MBD5: variants seen among roughly 807,000 people sequenced by gnomAD.
MBD5 encodes methyl-CpG-binding domain protein 5.
A neutral mutation model predicts 117.3 loss-of-function variants in MBD5; 13 were observed. The ratio of observed to expected loss-of-function variants is 0.11; its 90% CI spans 0.07 to 0.18. MBD5 has a LOEUF of 0.18. Among genes scored for constraint, MBD5 ranks in the 10% least tolerant of loss-of-function variants. The pLI, the probability that MBD5 is intolerant of heterozygous loss-of-function variation, is 1.00. For synonymous variants in MBD5, 727 were observed against 766.4 expected, an observed-to-expected ratio of 0.95 and a Z score of 0.85; for missense variants, 1,879 against 2,093.8, an observed-to-expected ratio of 0.90 and a Z score of 2.00.
chr2:148,509,729 A>G (rs1203457486), intron 12 of MBD5, among the ~76,000 whole-genome samples: 1 of 152,230 alleles, frequency 6.6e-6, no homozygotes, highest in Admixed American at 6.5e-5. Context: ...GGCTGGAGCC[A>G]GGGAGCATGA....
At chr2:148,414,345 G>A (rs1382506706) in intron 4 of MBD5, among the ~76,000 whole-genome samples, 2 of 152,042 alleles carry the variant, frequency 1.3e-5, no homozygotes, top group South Asian at 2.1e-4. Flanking sequence ...TATGATTTCA[G>A]TTTTTTTGAA....
chr2:148,489,621 G>A lies in MBD5; in HGVS notation c.3989G>A (p.Ser1330Asn), dbSNP rs756983734. 1.9e-6 allele frequency: 3 copies of A among 1,614,164 alleles called. No homozygotes were observed. In the African/African-American group the frequency reaches 4.0e-5, roughly 22 times the overall value. ...TACAAAGCAGTTGTCGATGCAGCCA[G>A]CAAAGGAATGCAGGTTGTCATCACC... is the stretch of plus-strand genomic sequence containing the variant. ...AIYKAVVDAA[S>N]KGMQVVITTA... Residue 1330 changes from serine (S) to asparagine (N), a missense_variant, in exon 11 of 14, where the codon AGC (serine) becomes AAC (asparagine). Physicochemically the swap from Ser to Asn is conservative, Grantham distance 46. Coordinates refer to ENST00000642680, the MANE Select transcript of MBD5 (RefSeq NM_001378120.1).
chr2:148,319,994 T>A (rs1381861137), intron 3 of MBD5, among the ~76,000 whole-genome samples: 1 of 152,226 alleles, frequency 6.6e-6, no homozygotes. Context: ...ATGCCTTTTC[T>A]GCATCTATTA....
intron 1 of MBD5, among the ~76,000 whole-genome samples, chr2:148,061,079 A>G (rs1046732733): frequency 5.3e-5 from 8 of 152,130 alleles, no homozygotes; most frequent in African/African-American, 1.9e-4. Flanking sequence ...TTGCCAAGGT[A>G]TTTAAAAATC....
At chr2:148,410,746 G>A (rs958994516) in intron 4 of MBD5, among the ~76,000 whole-genome samples, 1 of 152,104 alleles carries the variant, frequency 6.6e-6, no homozygotes, top group African/African-American at 2.4e-5. Flanking sequence ...CACTGCACCT[G>A]GCCAGGATAT....
intron 1 of MBD5, among the ~76,000 whole-genome samples, chr2:148,171,878 T>C (rs1698272194): frequency 6.6e-6 from 1 of 152,138 alleles, no homozygotes; most frequent in African/African-American, 2.4e-5. Flanking sequence ...CAAACAAATT[T>C]AAGAATAAAT....
intron 4 of MBD5, among the ~76,000 whole-genome samples, chr2:148,402,722 T>C (rs1034866095): frequency 3.9e-5 from 6 of 152,248 alleles, no homozygotes; most frequent in Admixed American, 2.0e-4. Context: ...TTCTGAGTTA[T>C]GTTCCACTAT....
At chr2:148,188,905 G>C (rs936277956) in intron 2 of MBD5, among the ~76,000 whole-genome samples, 5 of 151,742 alleles carry the variant, frequency 3.3e-5, no homozygotes, top group South Asian at 2.1e-4. Context: ...TGTGCGCACC[G>C]TGCGCGAGCC....
chr2:148,087,110 G>C (rs1309482959), intron 1 of MBD5, among the ~76,000 whole-genome samples: 1 of 152,170 alleles, frequency 6.6e-6, no homozygotes, highest in Admixed American at 6.5e-5. Context: ...TCACACCATG[G>C]ACTTTTGCTC....
intron 3 of MBD5, among the ~76,000 whole-genome samples, chr2:148,339,793 A>G (rs974693888): frequency 7.9e-5 from 12 of 152,198 alleles, no homozygotes; most frequent in East Asian, 7.7e-4. Context: ...CAATAAAAAT[A>G]TATTTTAAAG....
intron 4 of MBD5, among the ~76,000 whole-genome samples, chr2:148,424,177 CAAAAAAAAAAAAAAAAAAAAAAA>C (rs56740583): frequency 0.049 from 2,633 of 53,442 alleles, 128 homozygotes; most frequent in African/African-American, 0.12. Context: ...GACTCTGTCT[CAAAAAAAAAAAAAAAAAAAAAAA>C]AAAAAAAAAA....
intron 4 of MBD5, among the ~76,000 whole-genome samples, chr2:148,344,983 C>T (rs1056272220): frequency 6.6e-5 from 10 of 151,796 alleles, no homozygotes; most frequent in Non-Finnish European, 1.5e-4. Flanking sequence ...TAAGGAAAGA[C>T]TTATTCACCA....
At chr2:148,172,439 C>T (rs972071648) in intron 1 of MBD5, among the ~76,000 whole-genome samples, 3 of 152,338 alleles carry the variant, frequency 2.0e-5, no homozygotes, top group Admixed American at 6.5e-5. Context: ...GCCACCTCAG[C>T]CCCCTCTGAA....
chr2:148,054,320 A>T (rs1356681251), intron 1 of MBD5: 1 of 152,236 alleles, frequency 6.6e-6, no homozygotes, highest in Non-Finnish European at 1.5e-5. Context: ...CACGACTTAC[A>T]TTTAAATTTT....
Position 148,076,100 on chromosome 2 carries a change from C to T in MBD5, c.-925+54416C>T, listed in dbSNP as rs564686846. On this transcript the variant is annotated intron_variant, in intron 1 of 13. Transcript: ENST00000642680. Reference sequence around the variant, plus strand: ...ATTATCCAATGCTAGTTAAAGAAAACATATCACAAAAATTAAATGTTTAGA... The same window carrying T: ...ATTATCCAATGCTAGTTAAAGAAAATATATCACAAAAATTAAATGTTTAGA... Among the ~76,000 whole-genome samples the T allele has an allele frequency of 2.0e-5, 3 of 152,078 alleles. No individual in the cohort carries two copies. The South Asian group carries it at 6.2e-4, about 32-fold the overall frequency.
intron 3 of MBD5, among the ~76,000 whole-genome samples, chr2:148,308,713 C>G (rs1282006591): frequency 6.6e-6 from 1 of 151,870 alleles, no homozygotes; most frequent in African/African-American, 2.4e-5. Context: ...GTATTTTAGT[C>G]TTGAAGTCTT....
intron 1 of MBD5, among the ~76,000 whole-genome samples, chr2:148,143,173 A>G (rs1163323899): frequency 6.6e-6 from 1 of 152,216 alleles, no homozygotes; most frequent in Non-Finnish European, 1.5e-5. Flanking sequence ...GGAAAGTGCA[A>G]CTTTAAACAA....
chr2:148,062,871 T>G (rs1695077602), intron 1 of MBD5, among the ~76,000 whole-genome samples: 1 of 152,124 alleles, frequency 6.6e-6, no homozygotes, highest in Admixed American at 6.5e-5. Flanking sequence ...CAAATATAAA[T>G]GCAGTCACTT....
intron 1 of MBD5, among the ~76,000 whole-genome samples, chr2:148,138,690 T>C (rs1278142907): frequency 6.6e-6 from 1 of 152,220 alleles, no homozygotes; most frequent in Non-Finnish European, 1.5e-5. Flanking sequence ...AGAATTTGAA[T>C]GCTTGAGATA....
Sources: allele counts gnomAD v4.1 joint callset (sites outside exome capture counted in the v4.1 genomes callset), GRCh38; gene constraint gnomAD v4.1.1; transcripts MANE v1.5; gene names NCBI Gene and HGNC (gene_info 2026-07-23, HGNC 2026-07-21).